PRRX2: variants seen among roughly 807,000 people sequenced by gnomAD.
PRRX2 encodes paired mesoderm homeobox protein 2.
A neutral mutation model predicts 18.0 loss-of-function variants in PRRX2; 11 were observed. The ratio of observed to expected loss-of-function variants is 0.61; its 90% CI spans 0.39 to 1.01. PRRX2 has a LOEUF of 1.01. PRRX2 is among the 50% of genes least tolerant of loss of function. PRRX2 has a pLI of 0.01. For synonymous variants in PRRX2, 177 were observed against 154.8 expected (o/e 1.14, Z -1.06); for missense variants, 387 against 351.0 (o/e 1.10, Z -0.82).
At position 129,720,647 on chromosome 9, in the gene PRRX2, C is replaced by G; in HGVS notation, c.499C>G (p.Leu167Val). Residue 167 changes from leucine (L) to valine (V), a missense_variant, in exon 3 of 4, where the codon CTG (leucine) becomes GTG (valine). By Grantham distance (32) the Leu-to-Val change is conservative. Coordinates refer to ENST00000372469, the MANE Select transcript of PRRX2 (RefSeq NM_016307.4). ...AKFRRNERAM[L>V]ASRSASLLKS... ...GTTCCGCAGGAATGAAAGGGCCATG[C>G]TGGCCAGCCGCTCTGCCTCGCTGCT... 6.2e-7 allele frequency: 1 copy of G among 1,613,356 alleles called. No homozygotes were observed. The highest frequency in any genetic ancestry group is 8.5e-7 in the Non-Finnish European group (1 of 1,179,726).
At chr9:129,694,223 C>T (rs1485691092) in intron 1 of PRRX2, among the ~76,000 whole-genome samples, 1 of 152,188 alleles carries the variant, frequency 6.6e-6, no homozygotes, top group Non-Finnish European at 1.5e-5. Context: ...AGTGCGGTGG[C>T]CTGATCCTGG....
chr9:129,710,775 C>T (rs947980048), intron 1 of PRRX2, among the ~76,000 whole-genome samples: 13 of 152,142 alleles, frequency 8.5e-5, no homozygotes, highest in Middle Eastern at 3.4e-3. Context: ...GCCCCTTGGT[C>T]GGGGTGCTGG....
intron 1 of PRRX2, among the ~76,000 whole-genome samples, chr9:129,710,348 C>T (rs981830042): frequency 6.6e-6 from 1 of 152,170 alleles, no homozygotes; most frequent in Admixed American, 6.5e-5. Flanking sequence ...TGGACCTGTG[C>T]CTTGTAACTG....
intron 1 of PRRX2, among the ~76,000 whole-genome samples, chr9:129,706,573 A>AG (rs982721638): frequency 9.2e-5 from 14 of 151,832 alleles, no homozygotes; most frequent in African/African-American, 3.4e-4. Flanking sequence ...AAAAAAAAAA[A>AG]AATAATTATT....
At chr9:129,716,428 T>C (rs1221396212) in intron 1 of PRRX2, among the ~76,000 whole-genome samples, 1 of 151,098 alleles carries the variant, frequency 6.6e-6, no homozygotes, top group Non-Finnish European at 1.5e-5. Context: ...GGGCAAAAAG[T>C]GAACAGTACA....
intron 1 of PRRX2, among the ~76,000 whole-genome samples, chr9:129,704,544 G>A (rs944788196): frequency 2.6e-5 from 4 of 152,186 alleles, no homozygotes; most frequent in African/African-American, 4.8e-5. Flanking sequence ...CAGGAAACCC[G>A]GGAACAGAGA....
chr9:129,673,080 G>A (rs550578924), intron 1 of PRRX2, among the ~76,000 whole-genome samples: 1 of 152,158 alleles, frequency 6.6e-6, no homozygotes, highest in African/African-American at 2.4e-5. Context: ...GCCAAGAAAA[G>A]CCATTTACTC....
chr9:129,699,372 C>T (rs1005477047), intron 1 of PRRX2, among the ~76,000 whole-genome samples: 6 of 151,810 alleles, frequency 4.0e-5, no homozygotes, highest in Admixed American at 2.6e-4. Context: ...TGCAGTGAGC[C>T]GAGATCACGC....
intron 1 of PRRX2, among the ~76,000 whole-genome samples, chr9:129,666,760 G>A (rs1832031719): frequency 6.6e-6 from 1 of 152,218 alleles, no homozygotes; most frequent in South Asian, 2.1e-4. Flanking sequence ...AAGAAGGGGA[G>A]GGACGGGGAG....
At chr9:129,668,087 G>A (rs76729941) in intron 1 of PRRX2, among the ~76,000 whole-genome samples, 7,001 of 152,292 alleles carry the variant, frequency 0.046, 334 homozygotes, top group East Asian at 0.18. Flanking sequence ...AGCCCTGGCA[G>A]GGAGAGTCCC....
intron 1 of PRRX2, among the ~76,000 whole-genome samples, chr9:129,716,655 A>G (rs1832711706): frequency 6.6e-6 from 1 of 151,872 alleles, no homozygotes; most frequent in Non-Finnish European, 1.5e-5. Context: ...GGGTTTTGCC[A>G]TGTTGCCCAG....
chr9:129,705,135 T>A (rs74763936), intron 1 of PRRX2, among the ~76,000 whole-genome samples: 20,873 of 135,874 alleles, frequency 0.15, 1,378 homozygotes, highest in East Asian at 0.23. Flanking sequence ...ACTCCCTGCC[T>A]CCCACCCACC....
chr9:129,691,122 C>T (rs1173949471), intron 1 of PRRX2, among the ~76,000 whole-genome samples: 3 of 147,146 alleles, frequency 2.0e-5, no homozygotes, highest in Non-Finnish European at 4.5e-5. Context: ...GTCAGGAGTT[C>T]GGGACCAGCC....
rs911633897 is a variant in PRRX2 at position 129,675,918 on chromosome 9, A to T, written c.259+9792A>T. Among the ~76,000 whole-genome samples the T allele has an allele frequency of 6.6e-6, 1 of 152,128 alleles. No homozygotes were observed. The highest frequency in any genetic ancestry group is 2.4e-5 in the African/African-American group (1 of 41,422). On this transcript the variant is annotated intron_variant, in intron 1 of 3. Coordinates refer to ENST00000372469, the MANE Select transcript of PRRX2 (RefSeq NM_016307.4). The surrounding 1 kb of genome is among the most constrained non-coding windows in gnomAD (Gnocchi z 4.4). ...GTGCACCTCCTTTCATTAGACTAAC[A>T]AATAACGCGTAACAGAAAACAGCTG...
Position 129,695,433 on chromosome 9 carries a change from G to A in PRRX2, c.260-23798G>A, listed in dbSNP as rs1044309026. ...AGAATCAGCTTCCCTCCAAATTCCCGGTCTCTTGCTCTGGGCTTTACTTGA... is the reference window on the plus strand; with the variant it reads ...AGAATCAGCTTCCCTCCAAATTCCCAGTCTCTTGCTCTGGGCTTTACTTGA... On this transcript the variant is annotated intron_variant, in intron 1 of 3. Coordinates refer to ENST00000372469, the MANE Select transcript of PRRX2 (RefSeq NM_016307.4). This position sits in a 1 kb window ranked among gnomAD's most constrained non-coding sequence, Gnocchi z 4.8. Among the ~76,000 whole-genome samples the A allele has an allele frequency of 1.3e-5, 2 of 152,272 alleles. No homozygotes were observed. Among genetic ancestry groups the A allele is most frequent in the Non-Finnish European group, 2.9e-5 (2 of 68,026 alleles).
At chr9:129,676,027 C>T (rs1000460264) in intron 1 of PRRX2, among the ~76,000 whole-genome samples, 7 of 152,212 alleles carry the variant, frequency 4.6e-5, no homozygotes, top group Non-Finnish European at 7.3e-5. Flanking sequence ...AACTCAGCCT[C>T]AGGTGGAGGC....
At chr9:129,682,854 C>T (rs1162063791) in intron 1 of PRRX2, among the ~76,000 whole-genome samples, 2 of 152,276 alleles carry the variant, frequency 1.3e-5, no homozygotes, top group South Asian at 2.1e-4. Context: ...CCTGTAATCC[C>T]AGCACTTTGG....
At chr9:129,693,368 C>A (rs1259513859) in intron 1 of PRRX2, among the ~76,000 whole-genome samples, 1 of 152,106 alleles carries the variant, frequency 6.6e-6, no homozygotes, top group South Asian at 2.1e-4. Flanking sequence ...CCAAGGCGGG[C>A]GGATCACCTG....
intron 1 of PRRX2, among the ~76,000 whole-genome samples, chr9:129,682,085 G>A (rs920874983): frequency 1.3e-5 from 2 of 152,078 alleles, no homozygotes; most frequent in African/African-American, 4.8e-5. Context: ...CCAAATGCCC[G>A]TGGCCTCCTC....
Sources: gnomAD v4.1 joint callset for allele counts (sites outside exome capture counted in the v4.1 genomes callset) on GRCh38, gnomAD v4.1.1 for gene constraint, Gnocchi (gnomAD v3.1) non-coding constraint, MANE v1.5 for transcripts, NCBI Gene and HGNC (gene_info 2026-07-23, HGNC 2026-07-21) for gene names.